The following DCC variants were observed in gnomAD, a reference collection of about 807,000 sequenced individuals.
DCC encodes DCC netrin 1 receptor.
Under a neutral mutation model 172.5 loss-of-function variants are expected in DCC, and 58 were observed. The ratio of observed to expected loss-of-function variants is 0.34; its 90% CI spans 0.27 to 0.42. DCC has a LOEUF of 0.42. Ranked by LOEUF, DCC falls within the 10% of genes least tolerant of loss-of-function variation. The pLI is 1.00. For synonymous variants in DCC, 709 were observed against 644.5 expected (o/e 1.10, Z -1.52); for missense variants, 1,740 against 1,791.0 (o/e 0.97, Z 0.51).
At chr18:53,296,137 C>A (rs937337892) in intron 12 of DCC, among the ~76,000 whole-genome samples, 1 of 151,684 alleles carries the variant, frequency 6.6e-6, no homozygotes, top group Non-Finnish European at 1.5e-5. Flanking sequence ...GGTCAGTGCA[C>A]AAATAAGTAG....
chr18:53,147,034 C>T (rs1464846302), intron 7 of DCC, among the ~76,000 whole-genome samples: 1 of 152,128 alleles, frequency 6.6e-6, no homozygotes, highest in Non-Finnish European at 1.5e-5. Flanking sequence ...GACTTTGATG[C>T]ACAGCCACAA....
chr18:52,475,802 AT>A (rs1226947833), intron 1 of DCC, among the ~76,000 whole-genome samples: 3 of 152,116 alleles, frequency 2.0e-5, no homozygotes, highest in African/African-American at 4.8e-5. Context: ...TCAAAACAAC[AT>A]TTTTTGCCTG....
intron 7 of DCC, among the ~76,000 whole-genome samples, chr18:53,152,791 T>C (rs2054663168): frequency 6.6e-6 from 1 of 152,226 alleles, no homozygotes; most frequent in Non-Finnish European, 1.5e-5. Flanking sequence ...AGAGAAAGCA[T>C]GGAGGATTAG....
Position 53,047,312 on chromosome 18 carries a change from T to TTATA in DCC, c.986-15984_986-15981dup, listed in dbSNP as rs1255689776. Among the ~76,000 whole-genome samples, 4 of 20,254 alleles carry TTATA rather than the reference T, an allele frequency of 2.0e-4. No homozygotes were observed. In the East Asian group the frequency reaches 2.1e-3, roughly 11 times the overall value. The allele number at this position is 20,254 out of a possible 152,430, so 13.3% of individuals were successfully genotyped here. A position where few individuals can be genotyped will look rare whatever the true frequency, so the allele number is the denominator to read the frequency against. On this transcript the variant is annotated intron_variant, in intron 5 of 28. Coordinates refer to ENST00000442544, the MANE Select transcript of DCC (RefSeq NM_005215.4). ...TAATTTTATATATATATATATAATT[T>TTATA]TATATATATATAATTTTATATATAT...
intron 1 of DCC, among the ~76,000 whole-genome samples, chr18:52,358,795 C>T (rs1033867466): frequency 1.3e-5 from 2 of 152,164 alleles, no homozygotes; most frequent in African/African-American, 4.8e-5. Context: ...TGCTTGCTGG[C>T]TTTCATGTCC....
chr18:52,590,212 C>T (rs919643934), intron 1 of DCC, among the ~76,000 whole-genome samples: 1 of 150,508 alleles, frequency 6.6e-6, no homozygotes. Context: ...GGATTAAAAA[C>T]TAAATTTGGT....
intron 19 of DCC, among the ~76,000 whole-genome samples, chr18:53,409,444 T>C (rs751243174): frequency 1.3e-5 from 2 of 152,194 alleles, no homozygotes; most frequent in Non-Finnish European, 1.5e-5. Context: ...GCCTATGTTA[T>C]ATAGATAGCA....
intron 1 of DCC, among the ~76,000 whole-genome samples, chr18:52,569,990 G>A (rs111742183): frequency 0.023 from 3,425 of 152,182 alleles, 71 homozygotes; most frequent in Non-Finnish European, 0.033. Flanking sequence ...AATGGAGAAA[G>A]TACACTGGAT....
intron 1 of DCC, among the ~76,000 whole-genome samples, chr18:52,641,328 C>A (rs2034886915): frequency 6.6e-6 from 1 of 152,070 alleles, no homozygotes; most frequent in Non-Finnish European, 1.5e-5. Flanking sequence ...ACCAAGAACC[C>A]AAAAGCAATT....
intron 7 of DCC, among the ~76,000 whole-genome samples, chr18:53,131,487 T>C (rs1172459708): frequency 1.3e-5 from 2 of 152,120 alleles, no homozygotes; most frequent in Admixed American, 6.6e-5. Context: ...TGACAAATTA[T>C]TGATGTTGCA....
chr18:52,921,142 A>G (rs1350717022), intron 3 of DCC, among the ~76,000 whole-genome samples: 1 of 27,464 alleles, frequency 3.6e-5, no homozygotes, highest in Non-Finnish European at 1.6e-4. Context: ...GATTATGAAA[A>G]GTAAAGGGTG....
At chr18:53,228,898 ATACT>A (rs1367081855) in intron 12 of DCC, among the ~76,000 whole-genome samples, 2 of 152,170 alleles carry the variant, frequency 1.3e-5, no homozygotes, top group African/African-American at 4.8e-5. Flanking sequence ...CATTTCTTCT[ATACT>A]TAACTAATTT....
At position 52,754,866 on chromosome 18, in the gene DCC, C is replaced by A. The variant is rs1345733404; in HGVS notation, c.412+2492C>A. On this transcript the variant is annotated intron_variant, in intron 2 of 28. Coordinates refer to ENST00000442544, the MANE Select transcript of DCC (RefSeq NM_005215.4). ...TCAAAGTGTCCCTGGTCTGCTTTAG[C>A]AATGACAGACTGAGGTGCAGATGCA... Among the ~76,000 whole-genome samples the A allele has an allele frequency of 2.0e-5, 3 of 152,198 alleles. No homozygotes were observed. The East Asian group carries it at 5.8e-4, about 29-fold the overall frequency.
intron 15 of DCC, among the ~76,000 whole-genome samples, chr18:53,341,457 T>G (rs543716148): frequency 7.9e-5 from 12 of 152,276 alleles, no homozygotes; most frequent in African/African-American, 2.9e-4. Flanking sequence ...CTCTGGAAAA[T>G]ATATTCTAAA....
intron 1 of DCC, among the ~76,000 whole-genome samples, chr18:52,373,570 T>C (rs953749428): frequency 6.6e-6 from 1 of 152,206 alleles, no homozygotes; most frequent in African/African-American, 2.4e-5. Flanking sequence ...AGGCTCTCCC[T>C]GTACATTGTG....
intron 2 of DCC, among the ~76,000 whole-genome samples, chr18:52,862,588 C>T (rs1285033895): frequency 2.6e-5 from 4 of 152,152 alleles, no homozygotes; most frequent in East Asian, 3.9e-4. Context: ...GTTCCAGCTA[C>T]TTGGGAGGTT....
intron 12 of DCC, among the ~76,000 whole-genome samples, chr18:53,300,951 G>T (rs1389354126): frequency 5.1e-5 from 1 of 19,566 alleles, no homozygotes; most frequent in Non-Finnish European, 2.3e-4. Flanking sequence ...TTTGACGTTG[G>T]TTCTGGATTC....
chr18:53,403,954 TA>T (rs1909481581), intron 19 of DCC, among the ~76,000 whole-genome samples: 1 of 152,226 alleles, frequency 6.6e-6, no homozygotes, highest in Non-Finnish European at 1.5e-5. Flanking sequence ...ACAGAATTTT[TA>T]TTCGAGCTGA....
At chr18:53,215,434 T>C (rs1015122432) in intron 11 of DCC, 114 bp from the exon 12 acceptor site, 1 of 873,170 alleles carries the variant, frequency 1.1e-6, no homozygotes, top group Non-Finnish European at 1.9e-6. Flanking sequence ...TTAACCTACC[T>C]AATTATCATT....
Sources: allele counts gnomAD v4.1 joint callset (sites outside exome capture counted in the v4.1 genomes callset), GRCh38; gene constraint gnomAD v4.1.1; transcripts MANE v1.5; gene names NCBI Gene and HGNC (gene_info 2026-07-23, HGNC 2026-07-21).